Variants in RND2 observed in about 807,000 individuals in gnomAD.
The protein encoded by RND2 is rho-related GTP-binding protein RhoN.
RND2 carries 16 observed loss-of-function variants against 25.9 expected under a neutral mutation model. The ratio of observed to expected loss-of-function variants is 0.62; its 90% CI spans 0.42 to 0.94. The LOEUF is 0.94. RND2 is among the 40% of genes least tolerant of loss of function. The pLI, the probability that RND2 is intolerant of heterozygous loss-of-function variation, is 0.00. For missense variants in RND2, 276 were observed against 305.5 expected (o/e 0.90, Z 0.72); for synonymous variants, 97 against 118.1 (o/e 0.82, Z 1.16).
At position 43,025,294 on chromosome 17, in the gene RND2, G is replaced by C; in HGVS notation, c.-54G>C. On this transcript the variant is annotated 5_prime_UTR_variant, in exon 1 of 5. Coordinates refer to ENST00000587250, the MANE Select transcript of RND2 (RefSeq NM_005440.5). ...CTGCAGTTGCAGGGGCGGGGGAGGC[G>C]GCGGCGGGGCCCGGGAGAGGGGTGG... is the stretch of plus-strand genomic sequence containing the variant. The C allele has an allele frequency of 7.0e-7, 1 of 1,437,372 alleles. No individual in the cohort carries two copies. Among genetic ancestry groups the C allele is most frequent in the Non-Finnish European group, 9.2e-7 (1 of 1,086,080 alleles). 89.0% of individuals were successfully genotyped at this position (1,437,372 alleles called of 1,614,324 possible).
intron 3 of RND2, among the ~76,000 whole-genome samples, chr17:43,027,790 A>G (rs2050635886): frequency 6.6e-6 from 1 of 152,124 alleles, no homozygotes; most frequent in Non-Finnish European, 1.5e-5. Flanking sequence ...GGGAATGGGA[A>G]GTTTCCAGGC....
intron 3 of RND2, among the ~76,000 whole-genome samples, chr17:43,027,723 G>C (rs567399495): frequency 2.0e-5 from 3 of 152,150 alleles, no homozygotes; most frequent in Non-Finnish European, 4.4e-5. Context: ...GTTCCCAGGT[G>C]GGGGAGGGGA....
intron 2 of RND2, 51 bp downstream of exon 2, chr17:43,026,098 C>T (rs1567749654): frequency 1.5e-6 from 2 of 1,351,632 alleles, no homozygotes. Context: ...CCCACTCTGT[C>T]CCCTCCCTTG....
At chr17:43,025,514 G>A (rs1298929679) in intron 1 of RND2, 65 bp downstream of exon 1, 17 of 1,520,078 alleles carry the variant, frequency 1.1e-5, no homozygotes, top group Non-Finnish European at 7.1e-6. Flanking sequence ...CAGGGGCCCT[G>A]GCGACGGATG....
chr17:43,028,047 C>A lies in RND2; in HGVS notation c.301-14C>A, dbSNP rs1218263475. ...CTCCACCCCTCCACAATTCTCTTTT[C>A]TTCTCCTACATAGTGGCAAGGAGAG... On this transcript the variant is annotated splice_polypyrimidine_tract_variant and intron_variant, in intron 3 of 4. Coordinates refer to ENST00000587250, the MANE Select transcript of RND2 (RefSeq NM_005440.5). The A allele has an allele frequency of 6.2e-7, 1 of 1,609,964 alleles. No homozygotes were observed. The highest frequency in any genetic ancestry group is 1.3e-5 in the African/African-American group (1 of 74,820).
At chr17:43,027,843 C>T (rs926109073) in intron 3 of RND2, among the ~76,000 whole-genome samples, 63 of 152,168 alleles carry the variant, frequency 4.1e-4, no homozygotes, top group African/African-American at 1.4e-3. Context: ...AGTCCACAGG[C>T]CCACGCCAGC....
chr17:43,028,931 G>C lies in RND2; in HGVS notation c.*251G>C, dbSNP rs893587921. 5.5e-6 allele frequency: 3 copies of C among 544,992 alleles called. No individual in the cohort carries two copies. The East Asian group carries it at 1.0e-4, about 19-fold the overall frequency. 33.8% of individuals were successfully genotyped at this position (544,992 alleles called of 1,614,324 possible). A position where few individuals can be genotyped will look rare whatever the true frequency, so the allele number is the denominator to read the frequency against. Reference sequence around the variant, plus strand: ...TGGGGCATGAACTGGGATGGGGCAGGTGGGCGTTAGGGAAGCTGGTATCAA... The same window carrying C: ...TGGGGCATGAACTGGGATGGGGCAGCTGGGCGTTAGGGAAGCTGGTATCAA... On this transcript the variant is annotated 3_prime_UTR_variant, in exon 5 of 5. Transcript: ENST00000587250.
chr17:43,027,293 G>C lies in RND2; in HGVS notation c.300+1G>C. ...AACACTGGACAGTGTTCTCAAGAAG[G>C]TGGGAGCCTGGGGAAATAGGGCAGC... On this transcript the variant is annotated splice_donor_variant, in intron 3 of 4. Coordinates refer to ENST00000587250, the MANE Select transcript of RND2 (RefSeq NM_005440.5). LOFTEE classifies it high-confidence loss of function. 1.2e-6 allele frequency: 2 copies of C among 1,603,634 alleles called. No homozygotes were observed. Among genetic ancestry groups the C allele is most frequent in the Non-Finnish European group, 1.7e-6 (2 of 1,173,536 alleles).
intron 3 of RND2, 46 bp downstream of exon 3, chr17:43,027,338 C>A: frequency 7.8e-7 from 1 of 1,282,746 alleles, no homozygotes; most frequent in Non-Finnish European, 1.1e-6. Flanking sequence ...GGGGACCAGA[C>A]CACCATGGTC....
intron 4 of RND2, 46 bp from the exon 5 acceptor site, chr17:43,028,386 A>G (rs1480283522): frequency 6.2e-7 from 1 of 1,601,520 alleles, no homozygotes; most frequent in Admixed American, 1.7e-5. Flanking sequence ...TCTAAGCTGC[A>G]GGCTAAGACC....
At chr17:43,025,554 G>A in intron 1 of RND2, 105 bp downstream of exon 1, 1 of 1,445,180 alleles carries the variant, frequency 6.9e-7, no homozygotes, top group Non-Finnish European at 9.2e-7. Context: ...CCAGGGACAA[G>A]AGACAGGGGG....
chr17:43,028,073 A>C lies in RND2; in HGVS notation c.313A>C (p.Thr105Pro). ...DSVLKKWQGE[T>P]QEFCPNAKVV... ...TTCTCCTACATAGTGGCAAGGAGAG[A>C]CTCAAGAGTTCTGCCCCAATGCCAA... The change falls in exon 4 of 5, where the codon ACT becomes CCT. Residue 105 changes from threonine to proline, a missense_variant. Coordinates refer to ENST00000587250, the MANE Select transcript of RND2 (RefSeq NM_005440.5). 1 of 1,613,616 alleles carries C rather than the reference A, an allele frequency of 6.2e-7. No homozygotes were observed. Among genetic ancestry groups the C allele is most frequent in the Non-Finnish European group, 8.5e-7 (1 of 1,179,832 alleles).
rs1444804678 is a variant in RND2, at chr17:43,028,711, G to T, written c.*31G>T. ...TAGGAGAGGGCAGAGTGTGAAGAGG[G>T]GTGGTGAGGGACACAATTGTTCCCC... On this transcript the variant is annotated 3_prime_UTR_variant, in exon 5 of 5. Transcript: ENST00000587250. 3.3e-6 allele frequency: 5 copies of T among 1,527,040 alleles called. No homozygotes were observed. The highest frequency in any genetic ancestry group is 4.4e-6 in the Non-Finnish European group (5 of 1,134,024). The allele number at this position is 1,527,040 out of a possible 1,614,324, so 94.6% of individuals were successfully genotyped here. A position where few individuals can be genotyped will look rare whatever the true frequency, so the allele number is the denominator to read the frequency against.
rs978242122 is a variant in RND2 at position 43,031,025 on chromosome 17, C to G, written c.*2345C>G. 1.3e-5 allele frequency: 2 copies of G among 152,088 alleles called. No individual in the cohort carries two copies. Among genetic ancestry groups the G allele is most frequent in the Non-Finnish European group, 2.9e-5 (2 of 68,066 alleles). 9.4% of individuals were successfully genotyped at this position (152,088 alleles called of 1,614,324 possible). A position where few individuals can be genotyped will look rare whatever the true frequency, so the allele number is the denominator to read the frequency against. On this transcript the variant is annotated 3_prime_UTR_variant, in exon 5 of 5. Transcript: ENST00000587250. ...AAGATTCCTCCTTTGGGAGGCCAAG[C>G]TGGGAGGATCGCTTGAGGCCAGGAG...
chr17:43,026,032 A>G lies in RND2; in HGVS notation c.175A>G (p.Met59Val), dbSNP rs752638563. The G allele has an allele frequency of 4.3e-6, 7 of 1,609,906 alleles. No individual in the cohort carries two copies. The Admixed American group carries it at 1.2e-4, about 27-fold the overall frequency. Residue 59 changes from methionine (M) to valine (V), a missense_variant, in exon 2 of 5, where the codon ATG (methionine) becomes GTG (valine). Transcript: ENST00000587250. ...EIDKRRIELN[M>V]WDTSGSSYYD... The stretch of plus-strand genomic sequence containing the variant: ...CGACAAGCGCCGCATTGAGCTCAAC[A>G]TGTGGGACACTTCAGGTAGCCAAGT...
At chr17:43,027,019 C>A (rs572501816) in intron 2 of RND2, among the ~76,000 whole-genome samples, 164 bp from the exon 3 acceptor site, 7 of 152,220 alleles carry the variant, frequency 4.6e-5, no homozygotes, top group African/African-American at 9.6e-5. Flanking sequence ...CCCGCTCCCC[C>A]ACTTGGGAAA....
chr17:43,027,108 C>G, intron 2 of RND2, 75 bp from the exon 3 acceptor site: 4 of 864,108 alleles, frequency 4.6e-6, no homozygotes, highest in Admixed American at 2.4e-5. Context: ...ATCCCTTGAC[C>G]AGGATCTGTA....
At chr17:43,025,653 G>T (rs1215881098) in intron 1 of RND2, 2 of 279,188 alleles carry the variant, frequency 7.2e-6, no homozygotes, top group Admixed American at 6.5e-5. Context: ...AGATAGATGG[G>T]GTTTGGGAGA....
Position 43,029,789 on chromosome 17 carries a change from G to C in RND2, c.*1109G>C, listed in dbSNP as rs945064180. On this transcript the variant is annotated 3_prime_UTR_variant, in exon 5 of 5. Coordinates refer to ENST00000587250, the MANE Select transcript of RND2 (RefSeq NM_005440.5). ...AGTGCCTGTAGTCCCAGCTGCTCGG[G>C]AGGCTGAGGCAGGAGAATGGTGTGA... 1 of 152,002 alleles carries C rather than the reference G, an allele frequency of 6.6e-6. No individual in the cohort carries two copies. The highest frequency in any genetic ancestry group is 2.4e-5 in the African/African-American group (1 of 41,336). The allele number at this position is 152,002 out of a possible 1,614,324, so 9.4% of individuals were successfully genotyped here.
Sources: allele counts gnomAD v4.1 joint callset (sites outside exome capture counted in the v4.1 genomes callset), GRCh38; gene constraint gnomAD v4.1.1; transcripts MANE v1.5; gene names NCBI Gene and HGNC (gene_info 2026-07-23, HGNC 2026-07-21).